CSMD1: variants seen among roughly 807,000 people sequenced by gnomAD.
CSMD1 encodes CUB and sushi domain-containing protein 1.
A neutral mutation model predicts 417.5 loss-of-function variants in CSMD1; 213 were observed. The observed-to-expected ratio is 0.51, with a 90% CI of 0.46 to 0.57. CSMD1 has a LOEUF of 0.57. Ranked by LOEUF, CSMD1 falls within the 20% of genes least tolerant of loss-of-function variation. The pLI is 0.00. For synonymous variants in CSMD1, 2,862 were observed against 1,736.8 expected (o/e 1.65, Z -16.11); for missense variants, 6,923 against 4,529.7 (o/e 1.53, Z -15.17).
chr8:4,596,931 G>T (rs910374089), intron 2 of CSMD1, among the ~76,000 whole-genome samples: 1 of 152,072 alleles, frequency 6.6e-6, no homozygotes, highest in African/African-American at 2.4e-5. Flanking sequence ...AGGGGTTTCC[G>T]CTTTTGTTTC....
intron 10 of CSMD1, among the ~76,000 whole-genome samples, chr8:3,567,167 A>G (rs2116898196): frequency 6.6e-6 from 1 of 152,322 alleles, no homozygotes; most frequent in Admixed American, 6.5e-5. Flanking sequence ...CTAGCGCAGC[A>G]GCAGAAAACC....
In CSMD1 at chr8:3,808,452, G is replaced by C. The variant is rs75347254; in HGVS notation, c.819-54410C>G. On this transcript the variant is annotated intron_variant, in intron 5 of 69. Coordinates refer to ENST00000635120, the MANE Select transcript of CSMD1 (RefSeq NM_033225.6). ...TCATTGGAATGAGTCTTCAAAAGCT[G>C]TGTTTCTCTCTTTATACTTTTCAGT... is the stretch of plus-strand genomic sequence containing the variant. Among the ~76,000 whole-genome samples, 7 of 151,952 alleles carry C rather than the reference G, an allele frequency of 4.6e-5. No individual in the cohort carries two copies. The East Asian group carries it at 1.4e-3, about 29-fold the overall frequency.
intron 3 of CSMD1, among the ~76,000 whole-genome samples, chr8:4,113,992 A>G (rs1801998325): frequency 6.6e-6 from 1 of 152,242 alleles, no homozygotes; most frequent in Non-Finnish European, 1.5e-5. Flanking sequence ...GCAAATGTCA[A>G]TGTAGAAGCT....
intron 49 of CSMD1, among the ~76,000 whole-genome samples, chr8:3,065,315 A>G (rs1489945484): frequency 1.3e-5 from 2 of 150,458 alleles, no homozygotes; most frequent in Non-Finnish European, 2.9e-5. Flanking sequence ...AGATAGATAG[A>G]TAGACAGACA....
At chr8:4,130,524 G>C (rs965831009) in intron 3 of CSMD1, among the ~76,000 whole-genome samples, 1 of 152,034 alleles carries the variant, frequency 6.6e-6, no homozygotes, top group African/African-American at 2.4e-5. Flanking sequence ...CTGAAGTTTT[G>C]CATTAGGATT....
intron 4 of CSMD1, among the ~76,000 whole-genome samples, chr8:4,024,354 G>A (rs80235669): frequency 2.0e-5 from 3 of 152,128 alleles, no homozygotes; most frequent in African/African-American, 7.2e-5. Flanking sequence ...AAATCTTATG[G>A]ATTCTGTGGC....
At chr8:4,590,292 G>A (rs1038876858) in intron 2 of CSMD1, among the ~76,000 whole-genome samples, 5 of 152,034 alleles carry the variant, frequency 3.3e-5, no homozygotes, top group Non-Finnish European at 7.4e-5. Flanking sequence ...AAAGTTCTGG[G>A]AAGCAGACAT....
intron 1 of CSMD1, among the ~76,000 whole-genome samples, chr8:4,970,033 G>A (rs145846378): frequency 3.7e-4 from 56 of 152,174 alleles, no homozygotes; most frequent in Non-Finnish European, 6.0e-4. Flanking sequence ...AAATTGAAAT[G>A]CAAATGAATG....
intron 2 of CSMD1, among the ~76,000 whole-genome samples, chr8:4,455,770 A>G (rs1232101884): frequency 6.6e-6 from 1 of 151,336 alleles, no homozygotes; most frequent in African/African-American, 2.4e-5. Context: ...GTCTCTACTA[A>G]AAATACAAAA....
In CSMD1 at chr8:3,754,046, G is replaced by C. The variant is rs149896549; in HGVS notation, c.819-4C>G. 7.9e-5 allele frequency: 127 copies of C among 1,604,282 alleles called. 1 individual carries two copies. The African/African-American group carries it at 1.4e-3, about 18-fold the overall frequency. The stretch of plus-strand genomic sequence containing the variant: ...GGGGAGGTTCATGCCAGTTAGCCTA[G>C]AGAAGAGAAAGAGGAAAAAAATCTC... On this transcript the variant is annotated splice_region_variant and splice_polypyrimidine_tract_variant and intron_variant, in intron 5 of 69. Coordinates refer to ENST00000635120, the MANE Select transcript of CSMD1 (RefSeq NM_033225.6).
intron 10 of CSMD1, among the ~76,000 whole-genome samples, chr8:3,496,143 G>C (rs547140429): frequency 6.6e-6 from 1 of 152,140 alleles, no homozygotes; most frequent in Non-Finnish European, 1.5e-5. Context: ...CCCTTTGTAA[G>C]TGAGAACATG....
intron 3 of CSMD1, among the ~76,000 whole-genome samples, chr8:4,277,998 T>C (rs932469949): frequency 5.9e-5 from 9 of 152,110 alleles, no homozygotes; most frequent in South Asian, 2.1e-4. Flanking sequence ...TTCGCCGCCT[T>C]GCCCTCCCAA....
At chr8:3,286,170 G>C (rs1384885910) in intron 25 of CSMD1, among the ~76,000 whole-genome samples, 2 of 152,004 alleles carry the variant, frequency 1.3e-5, no homozygotes, top group Non-Finnish European at 2.9e-5. Context: ...ACTTCTTTAT[G>C]GCTGCATAGC....
chr8:3,915,118 G>C (rs1808726388), intron 5 of CSMD1, among the ~76,000 whole-genome samples: 1 of 152,018 alleles, frequency 6.6e-6, no homozygotes, highest in Non-Finnish European at 1.5e-5. Flanking sequence ...AAGAGTTTAG[G>C]TAGCAGGTTG....
At position 4,757,725 on chromosome 8, in the gene CSMD1, G is replaced by A. The variant is rs188283867; in HGVS notation, c.86-120167C>T. 6.1e-3 allele frequency among the ~76,000 whole-genome samples: 927 copies of A among 152,222 alleles called. 7 individuals carry two copies. The highest frequency in any genetic ancestry group is 0.021 in the African/African-American group (867 of 41,538). On this transcript the variant is annotated intron_variant, in intron 1 of 69. Transcript: ENST00000635120. ...TGTAATCCTATCACTTTGGGAGGGT[G>A]AGGCAAGCAGATCACTTGAGGCCAG...
chr8:3,441,510 T>TATATATATATATATATACAC (rs1369666489), intron 12 of CSMD1, among the ~76,000 whole-genome samples: 1 of 147,046 alleles, frequency 6.8e-6, no homozygotes, highest in African/African-American at 2.5e-5. Flanking sequence ...TATATATATA[T>TATATATATATATATATACAC]ACACACACAC....
intron 5 of CSMD1, among the ~76,000 whole-genome samples, chr8:3,855,972 G>T (rs1455794274): frequency 6.6e-6 from 1 of 152,210 alleles, no homozygotes; most frequent in Non-Finnish European, 1.5e-5. Flanking sequence ...TGAGTTTCAT[G>T]ATATCTGTCA....
chr8:3,527,879 C>G (rs1051462742), intron 10 of CSMD1, among the ~76,000 whole-genome samples: 5 of 152,136 alleles, frequency 3.3e-5, no homozygotes, highest in African/African-American at 1.2e-4. Flanking sequence ...GTTTCTCAGC[C>G]TCAGCACCAC....
chr8:3,624,955 T>G (rs200200204), intron 7 of CSMD1, among the ~76,000 whole-genome samples: 1 of 152,176 alleles, frequency 6.6e-6, no homozygotes, highest in East Asian at 1.9e-4. Context: ...ATAACTTGAT[T>G]AGATGACAAT....
Sources: allele counts gnomAD v4.1 joint callset (sites outside exome capture counted in the v4.1 genomes callset), GRCh38; gene constraint gnomAD v4.1.1; transcripts MANE v1.5; gene names NCBI Gene and HGNC (gene_info 2026-07-23, HGNC 2026-07-21).